The following CACNB2 variants were observed in gnomAD, a reference collection of about 807,000 sequenced individuals.
The protein encoded by CACNB2 is voltage-dependent L-type calcium channel subunit beta-2.
Under a neutral mutation model 73.3 loss-of-function variants are expected in CACNB2, and 42 were observed. The observed-to-expected ratio is 0.57, with a 90% CI of 0.45 to 0.74. The LOEUF (loss-of-function observed/expected upper bound fraction) is 0.74, where lower values mean the gene tolerates loss of function less well. Among genes scored for constraint, CACNB2 ranks in the 30% least tolerant of loss-of-function variants. The pLI is 0.00. For missense variants in CACNB2, 940 were observed against 853.0 expected (o/e 1.10, Z -1.27); for synonymous variants, 348 against 310.3 (o/e 1.12, Z -1.28).
At chr10:18,224,599 C>T (rs1447208266) in intron 2 of CACNB2, among the ~76,000 whole-genome samples, 2 of 152,146 alleles carry the variant, frequency 1.3e-5, no homozygotes, top group South Asian at 4.1e-4. Flanking sequence ...TTAAGAAGCT[C>T]GTTCTGATAG....
chr10:18,427,875 C>T (rs964278855), intron 3 of CACNB2, among the ~76,000 whole-genome samples: 4 of 152,024 alleles, frequency 2.6e-5, no homozygotes, highest in African/African-American at 9.7e-5. Context: ...ATTCTATTTT[C>T]TATTTCATTA....
At chr10:18,397,206 C>T (rs139843705) in intron 2 of CACNB2, among the ~76,000 whole-genome samples, 2,119 of 152,212 alleles carry the variant, frequency 0.014, 62 homozygotes, top group African/African-American at 0.048. Flanking sequence ...GTGGCTCAAG[C>T]CAGTAATCCC....
At chr10:18,415,412 G>A (rs2044888860) in intron 3 of CACNB2, among the ~76,000 whole-genome samples, 2 of 150,956 alleles carry the variant, frequency 1.3e-5, no homozygotes, top group Admixed American at 1.3e-4. Flanking sequence ...GCCACAATAA[G>A]CTATAACTGC....
chr10:18,397,715 C>T (rs1333321938), intron 2 of CACNB2, among the ~76,000 whole-genome samples: 7 of 72,582 alleles, frequency 9.6e-5, no homozygotes, highest in South Asian at 5.8e-4. Context: ...AGCGAGACTC[C>T]GTCTCAAAAA....
chr10:18,349,406 G>A (rs538996671), intron 2 of CACNB2, among the ~76,000 whole-genome samples: 2 of 152,282 alleles, frequency 1.3e-5, no homozygotes, highest in South Asian at 2.1e-4. Flanking sequence ...AGAATAATGG[G>A]TCCAATTGTT....
intron 2 of CACNB2, among the ~76,000 whole-genome samples, chr10:18,311,007 A>AC (rs1175457187): frequency 6.6e-6 from 1 of 152,208 alleles, no homozygotes; most frequent in Non-Finnish European, 1.5e-5. Flanking sequence ...ATTTCCAAGG[A>AC]CATTTCATTG....
intron 3 of CACNB2, among the ~76,000 whole-genome samples, chr10:18,438,069 A>G (rs75707741): frequency 0.16 from 18,773 of 120,346 alleles, 1,611 homozygotes; most frequent in East Asian, 0.27. Flanking sequence ...CCAGGCTGGA[A>G]TGCAGTGGCG....
intron 2 of CACNB2, among the ~76,000 whole-genome samples, chr10:18,355,002 T>G (rs1339541420): frequency 6.6e-6 from 1 of 152,206 alleles, no homozygotes; most frequent in Admixed American, 6.5e-5. Context: ...ATGCACAAAA[T>G]TATTTAAAAT....
rs188179525 is a variant in CACNB2 at position 18,449,148 on chromosome 10, G to A, written c.333+47105G>A. Among the ~76,000 whole-genome samples, 245 of 152,316 alleles carry A rather than the reference G, an allele frequency of 1.6e-3. 1 individual carries two copies. The highest frequency in any genetic ancestry group is 5.3e-3 in the African/African-American group (222 of 41,568). ...GCCTGTAATCCCAGCACTTTGGGGGGCTGAGGCGGGTGGATCACGAGGTGA... is the reference window on the plus strand; with the variant it reads ...GCCTGTAATCCCAGCACTTTGGGGGACTGAGGCGGGTGGATCACGAGGTGA... On this transcript the variant is annotated intron_variant, in intron 3 of 13. Transcript: ENST00000324631.
intron 2 of CACNB2, among the ~76,000 whole-genome samples, chr10:18,362,944 T>C (rs2042202252): frequency 6.6e-6 from 1 of 151,892 alleles, no homozygotes; most frequent in Admixed American, 6.6e-5. Flanking sequence ...GAAAAGGAAA[T>C]GCAAGTAGAA....
intron 3 of CACNB2, among the ~76,000 whole-genome samples, chr10:18,490,958 C>A (rs187702955): frequency 6.6e-6 from 1 of 152,296 alleles, no homozygotes; most frequent in Non-Finnish European, 1.5e-5. Flanking sequence ...TCTGGAATAG[C>A]TTCGCTTTCC....
At chr10:18,375,050 T>G (rs960929638) in intron 2 of CACNB2, among the ~76,000 whole-genome samples, 1 of 152,102 alleles carries the variant, frequency 6.6e-6, no homozygotes, top group Non-Finnish European at 1.5e-5. Flanking sequence ...AGACCCCATC[T>G]CTACAAAAAT....
Position 18,514,035 on chromosome 10 carries a change from G to T in CACNB2, c.671-201G>T, listed in dbSNP as rs779747749. 3.3e-5 allele frequency among the ~76,000 whole-genome samples: 5 copies of T among 152,148 alleles called. No homozygotes were observed. In the East Asian group the frequency reaches 5.8e-4, roughly 18 times the overall value. ...ATTCATTCAAGCAAACAGATTATAAGTGTATCTTTCAGTTTCATTAGATTT... is the reference window on the plus strand; with the variant it reads ...ATTCATTCAAGCAAACAGATTATAATTGTATCTTTCAGTTTCATTAGATTT... On this transcript the variant is annotated intron_variant, in intron 6 of 13. Transcript: ENST00000324631.
Position 18,540,788 on chromosome 10 carries a change from G to T in CACNB2, c.*1064G>T, listed in dbSNP as rs1412530646. The T allele has an allele frequency of 1.3e-5, 2 of 152,632 alleles. No individual in the cohort carries two copies. The highest frequency in any genetic ancestry group is 4.1e-4 in the South Asian group (2 of 4,830). The allele number at this position is 152,632 out of a possible 1,614,324, so 9.5% of individuals were successfully genotyped here. On this transcript the variant is annotated 3_prime_UTR_variant, in exon 14 of 14. Transcript: ENST00000324631. ...GGTTGAGATGAATTGGAATGCTGAA[G>T]ACTAACGAAGAAACTAGAGACTGAT...
chr10:18,302,111 C>T (rs756165838), intron 2 of CACNB2, among the ~76,000 whole-genome samples: 1 of 152,096 alleles, frequency 6.6e-6, no homozygotes, highest in African/African-American at 2.4e-5. Flanking sequence ...ATTGATTTAT[C>T]AAAATTGCCC....
chr10:18,284,865 A>G (rs1224006709), intron 2 of CACNB2, among the ~76,000 whole-genome samples: 1 of 152,224 alleles, frequency 6.6e-6, no homozygotes, highest in Non-Finnish European at 1.5e-5. Flanking sequence ...AAGGAACTGG[A>G]TGCAAATGGT....
chr10:18,301,131 C>T (rs558714357), intron 2 of CACNB2, among the ~76,000 whole-genome samples: 2 of 152,318 alleles, frequency 1.3e-5, no homozygotes, highest in Admixed American at 6.5e-5. Flanking sequence ...AGCAGTGTTC[C>T]TGGCACCACA....
chr10:18,395,044 A>G (rs2043651064), intron 2 of CACNB2, among the ~76,000 whole-genome samples: 1 of 152,164 alleles, frequency 6.6e-6, no homozygotes, highest in Non-Finnish European at 1.5e-5. Flanking sequence ...TCCCATGTTG[A>G]TGGAGTCTCA....
chr10:18,523,836 T>C (rs1235528790), intron 9 of CACNB2, among the ~76,000 whole-genome samples: 1 of 152,244 alleles, frequency 6.6e-6, no homozygotes, highest in Admixed American at 6.5e-5. Flanking sequence ...GCTAAGTTTA[T>C]TTTTTAAAAA....
Sources: allele counts gnomAD v4.1 joint callset (sites outside exome capture counted in the v4.1 genomes callset), GRCh38; gene constraint gnomAD v4.1.1; transcripts MANE v1.5; gene names NCBI Gene and HGNC (gene_info 2026-07-23, HGNC 2026-07-21).